Variants in PAPSS2 observed in about 807,000 individuals in gnomAD.
PAPSS2 encodes the protein bifunctional 3'-phosphoadenosine 5'-phosphosulfate synthase 2.
Under a neutral mutation model 66.5 loss-of-function variants are expected in PAPSS2, and 61 were observed. That is an observed-to-expected ratio of 0.92 (90% CI 0.75 to 1.14). The LOEUF is 1.14. Ranked by LOEUF, PAPSS2 falls within the 50% of genes most tolerant of loss-of-function variation. The pLI, the probability that PAPSS2 is intolerant of heterozygous loss-of-function variation, is 0.00. For synonymous variants in PAPSS2, 289 were observed against 287.5 expected, an observed-to-expected ratio of 1.01 and a Z score of -0.05; for missense variants, 708 against 789.6, an observed-to-expected ratio of 0.90 and a Z score of 1.24.
intron 1 of PAPSS2, among the ~76,000 whole-genome samples, chr10:87,660,587 G>A (rs905845238): frequency 6.6e-6 from 1 of 152,056 alleles, no homozygotes; most frequent in African/African-American, 2.4e-5. Flanking sequence ...GTAATGAGGG[G>A]TGAGGGTGCC....
intron 1 of PAPSS2, among the ~76,000 whole-genome samples, chr10:87,682,795 A>G (rs1853038377): frequency 6.6e-6 from 1 of 152,186 alleles, no homozygotes; most frequent in Admixed American, 6.5e-5. Context: ...GCACAATAAA[A>G]AGAAGGAGCA....
chr10:87,714,776 A>G lies in PAPSS2; in HGVS notation c.552A>G (p.Lys184=), dbSNP rs1464095509. 1 of 1,612,192 alleles carries G rather than the reference A, an allele frequency of 6.2e-7. No homozygotes were observed. ...CAGGTATTGATTCTGATTATGAGAA[A>G]CCTGAAACTCCTGAGCGTGTGCTTA... ...GFTGIDSDYE[K]PETPERVLKT... The change falls in exon 5 of 13, where the codon AAA becomes AAG. Residue 184 remains lysine (K), a synonymous_variant. Transcript: ENST00000456849.
At chr10:87,728,472 G>A (rs1203085766) in intron 9 of PAPSS2, among the ~76,000 whole-genome samples, 3 of 152,218 alleles carry the variant, frequency 2.0e-5, no homozygotes, top group Admixed American at 2.0e-4. Flanking sequence ...GGGCGCGGTG[G>A]CTCACGCCTG....
chr10:87,680,658 T>G (rs1349836457), intron 1 of PAPSS2, among the ~76,000 whole-genome samples: 1 of 152,136 alleles, frequency 6.6e-6, no homozygotes, highest in Non-Finnish European at 1.5e-5. Context: ...TCAATGAATT[T>G]GTGTGATGGT....
chr10:87,696,019 C>A (rs1853230309), intron 1 of PAPSS2, among the ~76,000 whole-genome samples: 1 of 152,150 alleles, frequency 6.6e-6, no homozygotes, highest in Non-Finnish European at 1.5e-5. Flanking sequence ...CACGTGATGG[C>A]TTTTGGGTCC....
At chr10:87,734,643 G>A (rs1329711416) in intron 9 of PAPSS2, among the ~76,000 whole-genome samples, 1 of 126,826 alleles carries the variant, frequency 7.9e-6, no homozygotes, top group African/African-American at 3.0e-5. Context: ...ATGACTGATA[G>A]CACAGAAATG....
At chr10:87,704,123 C>T (rs1853352878) in intron 1 of PAPSS2, 1 of 431,614 alleles carries the variant, frequency 2.3e-6, no homozygotes, top group Non-Finnish European at 4.5e-6. Flanking sequence ...TTTGCAAAAC[C>T]TCAAGGGTGA....
intron 4 of PAPSS2, 109 bp from the exon 5 acceptor site, chr10:87,714,636 G>C: frequency 2.5e-6 from 2 of 788,742 alleles, no homozygotes. Flanking sequence ...TTCTGTTAAA[G>C]TGTGAATTTT....
rs1589444144 is a variant in PAPSS2 at position 87,741,084 on chromosome 10, CA to C, written c.1087-146del. The C allele has an allele frequency of 7.4e-6, 6 of 810,350 alleles. No homozygotes were observed. The East Asian group carries it at 1.1e-4, about 15-fold the overall frequency. The allele number at this position is 810,350 out of a possible 1,614,324, so 50.2% of individuals were successfully genotyped here. On this transcript the variant is annotated intron_variant, in intron 9 of 12. Coordinates refer to ENST00000456849, the MANE Select transcript of PAPSS2 (RefSeq NM_001015880.2). Reference sequence around the variant, plus strand: ...TAAGAGCATAACGGGTTCTAGAGACCAAAAAGTTTGAGAAATACTGTGCCAG... The same window carrying C: ...TAAGAGCATAACGGGTTCTAGAGACCAAAAGTTTGAGAAATACTGTGCCAG...
Position 87,715,883 on chromosome 10 carries a change from G to GA in PAPSS2, c.865+51dup, listed in dbSNP as rs3214322. ...TTGTTTCTTACTCTTTGTTGTTAAG[G>GA]AAAAAAAAAAATCTTTCCCAGAAGT... On this transcript the variant is annotated intron_variant, in intron 7 of 12. Transcript: ENST00000456849. 2.5e-3 allele frequency: 2,806 copies of GA among 1,112,494 alleles called. 1 individual carries two copies. Among genetic ancestry groups the GA allele is most frequent in the Non-Finnish European group, 3.3e-3 (2,479 of 741,980 alleles). 68.9% of individuals were successfully genotyped at this position (1,112,494 alleles called of 1,614,324 possible). A position where few individuals can be genotyped will look rare whatever the true frequency, so the allele number is the denominator to read the frequency against.
intron 10 of PAPSS2, among the ~76,000 whole-genome samples, chr10:87,743,104 G>C (rs1853890070): frequency 6.6e-6 from 1 of 152,074 alleles, no homozygotes; most frequent in African/African-American, 2.4e-5. Context: ...AAATTAGCCG[G>C]GTGTGGTGGC....
rs778128101 is a variant in PAPSS2 at position 87,709,233 on chromosome 10, C to T, written c.65C>T (p.Ala22Val). Reference sequence around the variant, plus strand: ...AAATCCACCAATGTAGTCTATCAGGCCCACCATGTGAGCAGGAATAAGAGA... The same window carrying T: ...AAATCCACCAATGTAGTCTATCAGGTCCACCATGTGAGCAGGAATAAGAGA... ...QQKSTNVVYQ[A>V]HHVSRNKRGQ... Residue 22 changes from alanine (A) to valine (V), a missense_variant, in exon 2 of 13, where the codon GCC (alanine) becomes GTC (valine). Physicochemically the swap from Ala to Val is moderately conservative, Grantham distance 64 (BLOSUM62 0). Coordinates refer to ENST00000456849, the MANE Select transcript of PAPSS2 (RefSeq NM_001015880.2). The T allele has an allele frequency of 9.9e-6, 16 of 1,613,194 alleles. 1 individual carries two copies. In the Admixed American group the frequency reaches 2.7e-4, roughly 27 times the overall value.
In PAPSS2 at chr10:87,745,004, C is replaced by T. The variant is rs761207124; in HGVS notation, c.1494C>T (p.Val498=). ...TGTCCCTTATGGACATTTTCTAGGT[C>T]CAGTGGCACTGCAGGTCCCGGATGA... ...SPMLYAGPTE[V]QWHCRSRMIA... is the part of the protein sequence containing the mutation. Residue 498 remains valine, a splice_region_variant and synonymous_variant, in exon 12 of 13, where the codon GTC becomes GTT. Transcript: ENST00000456849. 6.2e-7 allele frequency: 1 copy of T among 1,613,644 alleles called. No individual in the cohort carries two copies. The highest frequency in any genetic ancestry group is 1.1e-5 in the South Asian group (1 of 91,042).
intron 1 of PAPSS2, among the ~76,000 whole-genome samples, chr10:87,682,147 G>A (rs1393013939): frequency 2.0e-5 from 3 of 152,168 alleles, no homozygotes; most frequent in Non-Finnish European, 4.4e-5. Context: ...GACAAGAATG[G>A]CACAAGAAGT....
intron 3 of PAPSS2, 33 bp downstream of exon 3, chr10:87,713,343 A>C: frequency 8.6e-7 from 1 of 1,169,260 alleles, no homozygotes; most frequent in Non-Finnish European, 1.2e-6. Flanking sequence ...AAGGCACTAC[A>C]CACGATTCCC....
At chr10:87,670,515 C>T (rs548224074) in intron 1 of PAPSS2, among the ~76,000 whole-genome samples, 4 of 151,690 alleles carry the variant, frequency 2.6e-5, no homozygotes, top group South Asian at 2.1e-4. Context: ...AGTGTTTCAG[C>T]GATAGGTACT....
chr10:87,664,945 T>C, intron 1 of PAPSS2, among the ~76,000 whole-genome samples: 1 of 152,212 alleles, frequency 6.6e-6, no homozygotes, highest in East Asian at 1.9e-4. Context: ...ATTCATTGAA[T>C]AAATGAATGA....
At chr10:87,732,995 C>T (rs1381017313) in intron 9 of PAPSS2, among the ~76,000 whole-genome samples, 1 of 152,172 alleles carries the variant, frequency 6.6e-6, no homozygotes, top group African/African-American at 2.4e-5. Context: ...TGAAGATTGT[C>T]GCATGTACCA....
At chr10:87,738,336 A>G (rs1481151227) in intron 9 of PAPSS2, among the ~76,000 whole-genome samples, 1 of 152,178 alleles carries the variant, frequency 6.6e-6, no homozygotes, top group Non-Finnish European at 1.5e-5. Context: ...TCCCACTAAC[A>G]GTGTACAAGG....
Sources: allele counts gnomAD v4.1 joint callset (sites outside exome capture counted in the v4.1 genomes callset), GRCh38; gene constraint gnomAD v4.1.1; transcripts MANE v1.5; gene names NCBI Gene and HGNC (gene_info 2026-07-23, HGNC 2026-07-21).